The following IGF2BP3 variants were observed in gnomAD, a reference collection of about 807,000 sequenced individuals.
IGF2BP3 encodes insulin-like growth factor 2 mRNA-binding protein 3.
In IGF2BP3, 9 loss-of-function variants were observed where a neutral mutation model predicts 73.8. The observed-to-expected ratio is 0.12, with a 90% CI of 0.07 to 0.21. The LOEUF is 0.21. IGF2BP3 is among the 10% of genes least tolerant of loss of function. The pLI is 1.00. For synonymous variants in IGF2BP3, 258 were observed against 256.7 expected, an observed-to-expected ratio of 1.01 and a Z score of -0.05; for missense variants, 542 against 714.0, an observed-to-expected ratio of 0.76 and a Z score of 2.75.
At chr7:23,457,465 A>G (rs919344758) in intron 2 of IGF2BP3, among the ~76,000 whole-genome samples, 4 of 152,036 alleles carry the variant, frequency 2.6e-5, no homozygotes, top group African/African-American at 9.7e-5. Flanking sequence ...CCTGTTTCAA[A>G]AAAAAAAAAA....
chr7:23,386,949 C>T (rs1313276400), intron 3 of IGF2BP3, among the ~76,000 whole-genome samples: 3 of 151,436 alleles, frequency 2.0e-5, no homozygotes, highest in African/African-American at 4.9e-5. Flanking sequence ...TACCTGTAAT[C>T]CCAGCTACTG....
At chr7:23,359,287 G>A (rs1785168598) in intron 5 of IGF2BP3, among the ~76,000 whole-genome samples, 1 of 152,134 alleles carries the variant, frequency 6.6e-6, no homozygotes. Flanking sequence ...AAAGGAGGAA[G>A]GCTAAAATGT....
chr7:23,361,433 C>G (rs1785225423), intron 5 of IGF2BP3, 101 bp downstream of exon 5: 1 of 893,686 alleles, frequency 1.1e-6, no homozygotes, highest in South Asian at 1.6e-5. Flanking sequence ...TAAAGTTTCT[C>G]TCTGCCACCT....
In IGF2BP3 at chr7:23,435,861, G is replaced by C. The variant is rs192608439; in HGVS notation, c.237-17037C>G. ...CAACCTCCACTTCCCAGGTTCAAGTGATTCTTGTGCCTCAGCCTCCTGAGT... is the reference window on the plus strand; with the variant it reads ...CAACCTCCACTTCCCAGGTTCAAGTCATTCTTGTGCCTCAGCCTCCTGAGT... On this transcript the variant is annotated intron_variant, in intron 2 of 14. Coordinates refer to ENST00000258729, the MANE Select transcript of IGF2BP3 (RefSeq NM_006547.3). Among the ~76,000 whole-genome samples the C allele has an allele frequency of 2.1e-3, 317 of 152,310 alleles. 1 individual carries two copies. Among genetic ancestry groups the C allele is most frequent in the Admixed American group, 3.9e-3 (59 of 15,290 alleles).
chr7:23,333,866 C>T (rs1323971547), intron 10 of IGF2BP3, among the ~76,000 whole-genome samples: 4 of 152,326 alleles, frequency 2.6e-5, no homozygotes, highest in Admixed American at 6.5e-5. Flanking sequence ...CATTTCTGAA[C>T]GTCGTCCAAT....
At chr7:23,415,565 T>C in intron 3 of IGF2BP3, 1 of 267,568 alleles carries the variant, frequency 3.7e-6, no homozygotes, top group South Asian at 3.2e-5. Flanking sequence ...CAGGTCCCTG[T>C]CTGTCAGCCG....
At chr7:23,383,448 C>T (rs1583968717) in intron 3 of IGF2BP3, among the ~76,000 whole-genome samples, 1 of 152,254 alleles carries the variant, frequency 6.6e-6, no homozygotes, top group African/African-American at 2.4e-5. Flanking sequence ...ACTTTACACC[C>T]AGTAGGCTAT....
At chr7:23,395,402 C>A (rs440393) in intron 3 of IGF2BP3, among the ~76,000 whole-genome samples, 124,828 of 152,002 alleles carry the variant, frequency 0.82, 51,998 homozygotes, top group East Asian at 0.99. Flanking sequence ...AAATAAAAAA[C>A]AACACAAAGA....
chr7:23,440,337 A>G (rs934746188), intron 2 of IGF2BP3, among the ~76,000 whole-genome samples: 24 of 147,934 alleles, frequency 1.6e-4, no homozygotes, highest in African/African-American at 5.5e-4. Context: ...TGCAGAGGCC[A>G]AGACAGGAGA....
chr7:23,341,233 G>A (rs2128500938), intron 10 of IGF2BP3, among the ~76,000 whole-genome samples: 1 of 152,186 alleles, frequency 6.6e-6, no homozygotes, highest in South Asian at 2.1e-4. Context: ...ATATAATTGT[G>A]CACAAAACTA....
At chr7:23,439,525 C>CCAG (rs1211346126) in intron 2 of IGF2BP3, among the ~76,000 whole-genome samples, 1 of 144,078 alleles carries the variant, frequency 6.9e-6, no homozygotes, top group Non-Finnish European at 1.5e-5. Flanking sequence ...CCACTGCACT[C>CCAG]CAGCCTGGGA....
chr7:23,415,078 G>T (rs11978371), intron 3 of IGF2BP3: 2,995 of 208,308 alleles, frequency 0.014, 105 homozygotes, highest in African/African-American at 0.067. Flanking sequence ...CCATCTGTCA[G>T]TCGGCTTTAC....
intron 10 of IGF2BP3, among the ~76,000 whole-genome samples, chr7:23,335,203 C>T (rs1784543526): frequency 6.6e-6 from 1 of 151,252 alleles, no homozygotes; most frequent in Non-Finnish European, 1.5e-5. Flanking sequence ...AAAAGAGTTG[C>T]ACCCACTGTG....
In IGF2BP3 at chr7:23,401,796, G is replaced by C. The variant is rs149740728; in HGVS notation, c.285+16980C>G. 1.6e-3 allele frequency among the ~76,000 whole-genome samples: 244 copies of C among 149,060 alleles called. 2 individuals are homozygous for C. The highest frequency in any genetic ancestry group is 5.5e-3 in the African/African-American group (223 of 40,480). ...AAAGTCACTGCTGCCCTAGGGATTGGCATGAAGCAAAATGCAGTCTAGGCC... is the reference window on the plus strand; with the variant it reads ...AAAGTCACTGCTGCCCTAGGGATTGCCATGAAGCAAAATGCAGTCTAGGCC... On this transcript the variant is annotated intron_variant, in intron 3 of 14. Transcript: ENST00000258729.
chr7:23,433,673 A>G (rs6971100), intron 2 of IGF2BP3, among the ~76,000 whole-genome samples: 77,895 of 151,800 alleles, frequency 0.51, 20,863 homozygotes, highest in African/African-American at 0.63. Flanking sequence ...GCTACTAAAA[A>G]GTTAAAATCA....
chr7:23,410,757 T>C (rs1256235875), intron 3 of IGF2BP3, among the ~76,000 whole-genome samples: 2 of 152,214 alleles, frequency 1.3e-5, no homozygotes, highest in African/African-American at 4.8e-5. Flanking sequence ...CTGTCAAGCT[T>C]TTCAGAGGCA....
Position 23,311,437 on chromosome 7 carries a change from T to C in IGF2BP3, c.*925A>G, listed in dbSNP as rs1562661170. Reference sequence around the variant, plus strand: ...AAAAAACTGAAGTCTCCTGAAGCCATTTAAACCAGCCGTTCCAAAATCTCC... The same window carrying C: ...AAAAAACTGAAGTCTCCTGAAGCCACTTAAACCAGCCGTTCCAAAATCTCC... On this transcript the variant is annotated 3_prime_UTR_variant, in exon 15 of 15. Transcript: ENST00000258729. 6.6e-6 allele frequency: 1 copy of C among 152,632 alleles called. No homozygotes were observed. The highest frequency in any genetic ancestry group is 1.5e-5 in the Non-Finnish European group (1 of 68,026). 9.5% of individuals were successfully genotyped at this position (152,632 alleles called of 1,614,324 possible).
intron 3 of IGF2BP3, among the ~76,000 whole-genome samples, chr7:23,375,706 T>C (rs1785695949): frequency 6.6e-6 from 1 of 152,220 alleles, no homozygotes; most frequent in African/African-American, 2.4e-5. Flanking sequence ...CACGATTGTA[T>C]GGTCTCCAAA....
chr7:23,323,028 A>G (rs1220057038), intron 10 of IGF2BP3, among the ~76,000 whole-genome samples: 1 of 152,172 alleles, frequency 6.6e-6, no homozygotes, highest in Non-Finnish European at 1.5e-5. Context: ...GAGCAAAATA[A>G]CCAGCTAACA....
Sources: gnomAD v4.1 joint callset for allele counts (sites outside exome capture counted in the v4.1 genomes callset) on GRCh38, gnomAD v4.1.1 for gene constraint, MANE v1.5 for transcripts, NCBI Gene and HGNC (gene_info 2026-07-23, HGNC 2026-07-21) for gene names.